Variants in ACSM1 observed in about 807,000 individuals in gnomAD.
ACSM1 encodes the protein acyl-CoA synthetase medium chain family member 1, also known as acyl-coenzyme A synthetase ACSM1, mitochondrial.
ACSM1 carries 79 observed loss-of-function variants against 75.8 expected under a neutral mutation model. The ratio of observed to expected loss-of-function variants is 1.04; its 90% CI spans 0.87 to 1.26. The LOEUF (loss-of-function observed/expected upper bound fraction) is 1.26, where lower values mean the gene tolerates loss of function less well. Among genes scored for constraint, ACSM1 ranks in the 50% most tolerant of loss-of-function variants. The probability of loss-of-function intolerance (pLI) is 0.00; values close to 1 mark genes in which losing one functional copy is unlikely to be tolerated. For synonymous variants in ACSM1, 279 were observed against 265.8 expected, an observed-to-expected ratio of 1.05 and a Z score of -0.48; for missense variants, 676 against 720.1, an observed-to-expected ratio of 0.94 and a Z score of 0.70.
chr16:20,661,771 G>A (rs1294694961), intron 7 of ACSM1, 23 bp downstream of exon 7: 2 of 1,559,378 alleles, frequency 1.3e-6, no homozygotes, highest in South Asian at 1.1e-5. Context: ...CAAAGATGTT[G>A]TTACAAGCCA....
At chr16:20,669,766 G>GA (rs2019787470) in intron 6 of ACSM1, 61 bp downstream of exon 6, 27 of 1,550,284 alleles carry the variant, frequency 1.7e-5, no homozygotes, top group Non-Finnish European at 2.3e-5. Context: ...TTTTAGCAAG[G>GA]TCCAGGAAAC....
chr16:20,641,528 C>T (rs1265788234), intron 7 of ACSM1, among the ~76,000 whole-genome samples: 1 of 152,226 alleles, frequency 6.6e-6, no homozygotes, highest in African/African-American at 2.4e-5. Flanking sequence ...CTTATAAATG[C>T]TATACCATCA....
At chr16:20,651,006 AGCTATGGGAACTTTTT>A (rs139341954) in intron 7 of ACSM1, among the ~76,000 whole-genome samples, 2,549 of 152,228 alleles carry the variant, frequency 0.017, 62 homozygotes, top group African/African-American at 0.058. Flanking sequence ...CTGAAGTAAT[AGCTATGGGAACTTTTT>A]GTGTGTGTGT....
At chr16:20,649,568 C>G (rs904256948) in intron 7 of ACSM1, among the ~76,000 whole-genome samples, 13 of 152,166 alleles carry the variant, frequency 8.5e-5, no homozygotes, top group Admixed American at 5.9e-4. Context: ...TCTCTGATGT[C>G]TGGTATCTGA....
At chr16:20,657,023 A>G (rs1195639093) in intron 7 of ACSM1, among the ~76,000 whole-genome samples, 2 of 152,254 alleles carry the variant, frequency 1.3e-5, no homozygotes, top group East Asian at 1.9e-4. Flanking sequence ...TAAAAAATAT[A>G]TATATTTACT....
intron 7 of ACSM1, among the ~76,000 whole-genome samples, chr16:20,646,241 C>A (rs758804948): frequency 2.0e-5 from 3 of 152,166 alleles, no homozygotes; most frequent in Non-Finnish European, 4.4e-5. Flanking sequence ...GTGCAGTCTA[C>A]AAGGACACTT....
chr16:20,689,277 TA>T (rs2079610543), intron 2 of ACSM1, among the ~76,000 whole-genome samples: 1 of 152,038 alleles, frequency 6.6e-6, no homozygotes. Flanking sequence ...ATTCCCATGG[TA>T]ACCACAAGGC....
At chr16:20,657,069 G>T (rs187828270) in intron 7 of ACSM1, among the ~76,000 whole-genome samples, 2 of 152,008 alleles carry the variant, frequency 1.3e-5, no homozygotes, top group East Asian at 1.9e-4. Context: ...ACCCTCCTGG[G>T]TATAATACTG....
intron 1 of ACSM1, among the ~76,000 whole-genome samples, chr16:20,692,994 C>A (rs992799588): frequency 6.6e-6 from 1 of 151,898 alleles, no homozygotes; most frequent in Non-Finnish European, 1.5e-5. Flanking sequence ...CATGATGAAA[C>A]CCTGTCTCTA....
chr16:20,674,384 A>G (rs932421402), intron 4 of ACSM1: 15 of 202,734 alleles, frequency 7.4e-5, no homozygotes, highest in Admixed American at 5.2e-4. Context: ...GCATGTCTCA[A>G]TTGAATAACT....
chr16:20,654,039 A>G (rs1329439504), intron 7 of ACSM1, among the ~76,000 whole-genome samples: 3 of 152,214 alleles, frequency 2.0e-5, no homozygotes, highest in Non-Finnish European at 2.9e-5. Context: ...ACAGCATGGT[A>G]CTGTTACCAA....
chr16:20,690,213 T>C (rs559140635), intron 2 of ACSM1, among the ~76,000 whole-genome samples: 13 of 152,296 alleles, frequency 8.5e-5, no homozygotes, highest in Admixed American at 5.9e-4. Context: ...TCCAATTCCA[T>C]CTCAGGGGGA....
chr16:20,646,724 A>G (rs1272227561), intron 7 of ACSM1, among the ~76,000 whole-genome samples: 3 of 152,234 alleles, frequency 2.0e-5, no homozygotes, highest in Non-Finnish European at 4.4e-5. Flanking sequence ...AATTAGGAGA[A>G]GGAAAAAGGG....
At chr16:20,681,371 A>G (rs1255799600) in intron 4 of ACSM1, 2 of 152,240 alleles carry the variant, frequency 1.3e-5, no homozygotes, top group East Asian at 3.8e-4. Context: ...CATGGAAATC[A>G]GAGCTAGAAT....
chr16:20,625,570 A>C, intron 11 of ACSM1, 48 bp from the exon 12 acceptor site: 1 of 1,537,452 alleles, frequency 6.5e-7, no homozygotes, highest in Non-Finnish European at 8.9e-7. Flanking sequence ...GGGGTGAACC[A>C]AGTCCCCAGA....
intron 1 of ACSM1, among the ~76,000 whole-genome samples, chr16:20,697,271 G>A (rs2079694702): frequency 6.6e-6 from 1 of 152,012 alleles, no homozygotes; most frequent in Admixed American, 6.6e-5. Flanking sequence ...TTTATAGAAA[G>A]TGAGCCAACT....
At chr16:20,636,944 T>C (rs1356742883) in intron 9 of ACSM1, 104 bp from the exon 10 acceptor site, 1 of 798,768 alleles carries the variant, frequency 1.3e-6, no homozygotes, top group Non-Finnish European at 2.1e-6. Context: ...GTGGATGAAA[T>C]AACAGAGGAA....
intron 9 of ACSM1, chr16:20,637,127 A>G (rs756349830): frequency 2.2e-5 from 17 of 759,838 alleles, no homozygotes; most frequent in Non-Finnish European, 3.9e-5. Context: ...CTCCCAGTGC[A>G]GCCTCTAGGT....
At chr16:20,649,957 C>G (rs1261355778) in intron 7 of ACSM1, among the ~76,000 whole-genome samples, 1 of 152,096 alleles carries the variant, frequency 6.6e-6, no homozygotes. Flanking sequence ...TAGTTTGGTG[C>G]CCAAACACGT....
Sources: allele counts gnomAD v4.1 joint callset (sites outside exome capture counted in the v4.1 genomes callset), GRCh38; gene constraint gnomAD v4.1.1; transcripts MANE v1.5; gene names NCBI Gene and HGNC (gene_info 2026-07-23, HGNC 2026-07-21).